SLC29A4: variants seen among roughly 807,000 people sequenced by gnomAD.
SLC29A4 encodes the protein equilibrative nucleoside transporter 4.
SLC29A4 carries 36 observed loss-of-function variants against 43.9 expected under a neutral mutation model. The ratio of observed to expected loss-of-function variants is 0.82; its 90% CI spans 0.63 to 1.08. The LOEUF is 1.08. Among genes scored for constraint, SLC29A4 ranks in the 50% least tolerant of loss-of-function variants. The pLI, the probability that SLC29A4 is intolerant of heterozygous loss-of-function variation, is 0.00. For synonymous variants in SLC29A4, 491 were observed against 338.0 expected, an observed-to-expected ratio of 1.45 and a Z score of -4.97; for missense variants, 869 against 755.3, an observed-to-expected ratio of 1.15 and a Z score of -1.77.
In SLC29A4 at chr7:5,304,751, G is replaced by A. The variant is rs1215298888; in HGVS notation, c.*1812G>A. 1 of 152,182 alleles carries A rather than the reference G, an allele frequency of 6.6e-6. No homozygotes were observed. Among genetic ancestry groups the A allele is most frequent in the African/African-American group, 2.4e-5 (1 of 41,426 alleles). The allele number at this position is 152,182 out of a possible 1,614,324, so 9.4% of individuals were successfully genotyped here. A position where few individuals can be genotyped will look rare whatever the true frequency, so the allele number is the denominator to read the frequency against. ...ACTCCTGATCTCAAGTGATCCATCT[G>A]TCTCATCCTCCCAAAGTGTTGGGAT... On this transcript the variant is annotated 3_prime_UTR_variant, in exon 11 of 11. Transcript: ENST00000396872.
intron 10 of SLC29A4, among the ~76,000 whole-genome samples, chr7:5,302,561 G>T (rs189890382): frequency 6.6e-6 from 1 of 152,124 alleles, no homozygotes; most frequent in Non-Finnish European, 1.5e-5. Flanking sequence ...AAAAATGGGG[G>T]CTTGGGGGAC....
At chr7:5,283,595 G>A (rs1387140759) in intron 1 of SLC29A4, among the ~76,000 whole-genome samples, 1 of 152,224 alleles carries the variant, frequency 6.6e-6, no homozygotes, top group African/African-American at 2.4e-5. Flanking sequence ...GCCGGGGAGG[G>A]CGGTGGGCCC....
intron 1 of SLC29A4, among the ~76,000 whole-genome samples, chr7:5,283,434 C>G (rs62441127): frequency 0.086 from 13,086 of 151,844 alleles, 575 homozygotes; most frequent in African/African-American, 0.11. Context: ...TCCTCGTTCT[C>G]GGAAAAAGCG....
At position 5,302,909 on chromosome 7, in the gene SLC29A4, C is replaced by T. The variant is rs369130399; in HGVS notation, c.1563C>T (p.Thr521=). ...DAHGSCLHAS[T]ANGSILAGL is the part of the protein sequence containing the mutation. ...ACGGCAGCTGCCTGCACGCCTCCAC[C>T]GCCAATGGTTCCATCCTCGCAGGCC... Residue 521 remains threonine, a synonymous_variant, in exon 11 of 11, where the codon ACC becomes ACT. Transcript: ENST00000396872. 78 of 1,608,072 alleles carry T rather than the reference C, an allele frequency of 4.9e-5. No individual in the cohort carries two copies. The highest frequency in any genetic ancestry group is 1.1e-4 in the African/African-American group (8 of 74,812).
At chr7:5,291,030 G>C (rs1348638704) in intron 3 of SLC29A4, 94 bp from the exon 4 acceptor site, 1 of 1,541,382 alleles carries the variant, frequency 6.5e-7, no homozygotes, top group African/African-American at 1.4e-5. Flanking sequence ...CACCCTCTGT[G>C]GGCAGCGAGC....
rs554362936 is a variant in SLC29A4, at chr7:5,299,382, C to T, written c.1164C>T (p.Pro388=). 8.7e-6 allele frequency: 14 copies of T among 1,612,310 alleles called. No homozygotes were observed. The Admixed American group carries it at 1.2e-4, about 13-fold the overall frequency. The change falls in exon 9 of 11, where the codon CCC becomes CCT. Residue 388 remains proline, a synonymous_variant. Transcript: ENST00000396872. ...ACTGCATCCTGGGCGAGTGGCTGCC[C>T]ATCCTCATCATGGCTGTGTTCAACC... The part of the protein sequence containing the change: ...IRHCILGEWL[P]ILIMAVFNLS...
At chr7:5,293,247 C>T (rs1356571856) in intron 5 of SLC29A4, among the ~76,000 whole-genome samples, 1 of 149,266 alleles carries the variant, frequency 6.7e-6, no homozygotes, top group African/African-American at 2.5e-5. Flanking sequence ...TCTCAGCTCA[C>T]TGCAACCTCC....
chr7:5,288,292 C>T (rs78224939), intron 2 of SLC29A4, among the ~76,000 whole-genome samples: 1 of 137,286 alleles, frequency 7.3e-6, no homozygotes, highest in Non-Finnish European at 1.5e-5. Flanking sequence ...CTGACCCGTA[C>T]AGCTTCTTTT....
At position 5,300,767 on chromosome 7, in the gene SLC29A4, G is replaced by C. The variant is rs2128092601; in HGVS notation, c.1450+105G>C. 6.9e-6 allele frequency: 10 copies of C among 1,457,950 alleles called. 1 individual carries two copies. The South Asian group carries it at 1.3e-4, about 19-fold the overall frequency. 90.3% of individuals were successfully genotyped at this position (1,457,950 alleles called of 1,614,324 possible). On this transcript the variant is annotated intron_variant, in intron 10 of 10. Coordinates refer to ENST00000396872, the MANE Select transcript of SLC29A4 (RefSeq NM_153247.4). ...CGCAGGAAGGTGCATTTGGGTTCCG[G>C]GGGTTCAGAACAGTCAGTGTCTGGG...
chr7:5,284,351 G>T (rs1009579655), intron 1 of SLC29A4, among the ~76,000 whole-genome samples: 15 of 152,246 alleles, frequency 9.9e-5, no homozygotes, highest in African/African-American at 3.4e-4. Flanking sequence ...TACCCCACCA[G>T]CCACCCACCC....
Position 5,303,148 on chromosome 7 carries a change from G to C in SLC29A4, c.*209G>C. 1.6e-6 allele frequency: 1 copy of C among 628,520 alleles called. No individual in the cohort carries two copies. The highest frequency in any genetic ancestry group is 1.8e-5 in the African/African-American group (1 of 54,312). 38.9% of individuals were successfully genotyped at this position (628,520 alleles called of 1,614,324 possible). The stretch of plus-strand genomic sequence containing the variant: ...GGACCGGAACACGTTTCTGCGACCC[G>C]GGGCTCTGGCCAGCACTGTGTTCTG... On this transcript the variant is annotated 3_prime_UTR_variant, in exon 11 of 11. Coordinates refer to ENST00000396872, the MANE Select transcript of SLC29A4 (RefSeq NM_153247.4).
intron 1 of SLC29A4, among the ~76,000 whole-genome samples, chr7:5,287,521 C>T (rs1193017323): frequency 8.5e-5 from 13 of 152,108 alleles, no homozygotes; most frequent in African/African-American, 1.4e-4. Context: ...CCAGGGGATA[C>T]AGTCCCGGCC....
chr7:5,297,753 C>T (rs1038846267), intron 7 of SLC29A4, among the ~76,000 whole-genome samples: 9 of 152,162 alleles, frequency 5.9e-5, no homozygotes, highest in Non-Finnish European at 1.2e-4. Context: ...CAGAAGTCGC[C>T]AGCCAGGAAA....
intron 2 of SLC29A4, among the ~76,000 whole-genome samples, chr7:5,289,950 A>G (rs985937250): frequency 1.3e-5 from 2 of 151,830 alleles, no homozygotes; most frequent in African/African-American, 4.8e-5. Context: ...CAGTGGCCCA[A>G]CCTTGGCTCA....
At position 5,303,798 on chromosome 7, in the gene SLC29A4, G is replaced by A. The variant is rs755887993; in HGVS notation, c.*859G>A. 3 of 152,240 alleles carry A rather than the reference G, an allele frequency of 2.0e-5. No homozygotes were observed. The highest frequency in any genetic ancestry group is 4.4e-5 in the Non-Finnish European group (3 of 68,076). 9.4% of individuals were successfully genotyped at this position (152,240 alleles called of 1,614,324 possible). On this transcript the variant is annotated 3_prime_UTR_variant, in exon 11 of 11. Transcript: ENST00000396872. ...CAGCAAGGGACTCGACAGACCCAAGGGTCCCTGGAACGTAGGGAGGGGCTG... is the reference window on the plus strand; with the variant it reads ...CAGCAAGGGACTCGACAGACCCAAGAGTCCCTGGAACGTAGGGAGGGGCTG...
intron 9 of SLC29A4, among the ~76,000 whole-genome samples, chr7:5,299,957 C>G (rs1256716702): frequency 6.6e-6 from 1 of 152,136 alleles, no homozygotes; most frequent in Non-Finnish European, 1.5e-5. Context: ...GAAGCTGAGG[C>G]AGGAGAATCG....
chr7:5,296,119 G>A (rs555938121), intron 6 of SLC29A4, among the ~76,000 whole-genome samples: 88 of 152,158 alleles, frequency 5.8e-4, no homozygotes, highest in Admixed American at 1.1e-3. Context: ...CCCTGGCCAG[G>A]AACACCCGTC....
At chr7:5,286,201 G>C (rs938870879) in intron 1 of SLC29A4, among the ~76,000 whole-genome samples, 5 of 151,996 alleles carry the variant, frequency 3.3e-5, no homozygotes, top group African/African-American at 7.3e-5. Flanking sequence ...GATCCTTTCT[G>C]CATTCAGATA....
intron 7 of SLC29A4, among the ~76,000 whole-genome samples, chr7:5,297,839 G>T (rs1785821524): frequency 6.6e-6 from 1 of 152,148 alleles, no homozygotes; most frequent in African/African-American, 2.4e-5. Flanking sequence ...GGCTCTGCTG[G>T]GCTTCCCTGT....
Sources: allele counts gnomAD v4.1 joint callset (sites outside exome capture counted in the v4.1 genomes callset), GRCh38; gene constraint gnomAD v4.1.1; transcripts MANE v1.5; gene names NCBI Gene and HGNC (gene_info 2026-07-23, HGNC 2026-07-21).